The following PTPRG variants were observed in gnomAD, a reference collection of about 807,000 sequenced individuals.
PTPRG encodes the protein protein tyrosine phosphatase receptor type G.
PTPRG carries 102 observed loss-of-function variants against 165.3 expected under a neutral mutation model. The observed-to-expected ratio is 0.62, with a 90% CI of 0.53 to 0.73. PTPRG has a LOEUF of 0.73. Ranked by LOEUF, PTPRG falls within the 30% of genes least tolerant of loss-of-function variation. The pLI is 0.00. For synonymous variants in PTPRG, 675 were observed against 669.5 expected, an observed-to-expected ratio of 1.01 and a Z score of -0.13; for missense variants, 1,866 against 1,861.4, an observed-to-expected ratio of 1.00 and a Z score of -0.05.
intron 2 of PTPRG, among the ~76,000 whole-genome samples, chr3:61,944,804 C>G (rs1456050325): frequency 6.6e-6 from 1 of 152,162 alleles, no homozygotes. Context: ...TAGCATTTGT[C>G]TGTATAATTT....
chr3:62,017,272 G>A (rs530495845), intron 4 of PTPRG, among the ~76,000 whole-genome samples: 4 of 152,262 alleles, frequency 2.6e-5, no homozygotes, highest in African/African-American at 9.6e-5. Flanking sequence ...TAAAAAGAAC[G>A]TTTAAGAAAG....
chr3:62,274,631 A>G (rs1392498964), intron 23 of PTPRG, among the ~76,000 whole-genome samples: 1 of 152,196 alleles, frequency 6.6e-6, no homozygotes. Flanking sequence ...TTTTCATGGT[A>G]AAACTTTCCA....
At chr3:62,185,623 T>C (rs80278063) in intron 8 of PTPRG, among the ~76,000 whole-genome samples, 1,739 of 152,304 alleles carry the variant, frequency 0.011, 19 homozygotes, top group Middle Eastern at 0.027. Flanking sequence ...CACTCCCATC[T>C]AAAGGAAATG....
At chr3:61,667,431 G>T (rs1702840156) in intron 1 of PTPRG, among the ~76,000 whole-genome samples, 1 of 152,112 alleles carries the variant, frequency 6.6e-6, no homozygotes, top group African/African-American at 2.4e-5. Flanking sequence ...ACTGGTTCTA[G>T]ATAATGCCAT....
At chr3:61,674,300 T>C (rs987479642) in intron 1 of PTPRG, among the ~76,000 whole-genome samples, 7 of 151,932 alleles carry the variant, frequency 4.6e-5, no homozygotes, top group Non-Finnish European at 7.4e-5. Flanking sequence ...AGCTCCCCGC[T>C]CTTTCAGTTT....
rs924527371 is a variant in PTPRG at position 61,881,892 on chromosome 3, A to G, written c.191-107733A>G. ...AATAGTGTTTCCCAACCTCAACACTATTGACATTTTGGTTCCCCTGACAGT... is the reference window on the plus strand; with the variant it reads ...AATAGTGTTTCCCAACCTCAACACTGTTGACATTTTGGTTCCCCTGACAGT... On this transcript the variant is annotated intron_variant, in intron 2 of 29. Transcript: ENST00000474889. Among the ~76,000 whole-genome samples the G allele has an allele frequency of 2.0e-5, 3 of 152,166 alleles. No homozygotes were observed. In the East Asian group the frequency reaches 5.8e-4, roughly 29 times the overall value.
At chr3:62,185,298 G>A (rs1250790333) in intron 8 of PTPRG, among the ~76,000 whole-genome samples, 2 of 152,216 alleles carry the variant, frequency 1.3e-5, no homozygotes, top group East Asian at 1.9e-4. Context: ...CCTCACAGGG[G>A]ATATTTGTTT....
chr3:62,067,261 T>C (rs1055270724), intron 4 of PTPRG, among the ~76,000 whole-genome samples: 2 of 151,482 alleles, frequency 1.3e-5, no homozygotes, highest in African/African-American at 4.8e-5. Flanking sequence ...CTTTTCTTTT[T>C]TTTTTTTTTC....
intron 4 of PTPRG, among the ~76,000 whole-genome samples, chr3:62,072,956 T>C (rs990568011): frequency 6.6e-6 from 1 of 152,078 alleles, no homozygotes; most frequent in Non-Finnish European, 1.5e-5. Context: ...CATCTGTGCT[T>C]GATAGGAGTT....
At chr3:61,974,698 AT>A (rs2040463137) in intron 2 of PTPRG, among the ~76,000 whole-genome samples, 1 of 152,178 alleles carries the variant, frequency 6.6e-6, no homozygotes, top group Admixed American at 6.5e-5. Flanking sequence ...CTAAAAACAT[AT>A]GATTCTATTG....
chr3:61,942,156 TAA>T (rs72243584), intron 2 of PTPRG, among the ~76,000 whole-genome samples: 291 of 128,530 alleles, frequency 2.3e-3, no homozygotes, highest in African/African-American at 5.8e-3. Context: ...AGACTCTGTC[TAA>T]AAAAAAAAAA....
At chr3:61,823,385 T>G (rs932594293) in intron 2 of PTPRG, among the ~76,000 whole-genome samples, 1 of 152,266 alleles carries the variant, frequency 6.6e-6, no homozygotes, top group African/African-American at 2.4e-5. Flanking sequence ...GAGACGGGTT[T>G]CACCATGTTG....
intron 28 of PTPRG, among the ~76,000 whole-genome samples, chr3:62,290,397 G>T (rs1446362600): frequency 1.3e-5 from 2 of 152,102 alleles, no homozygotes; most frequent in African/African-American, 4.8e-5. Context: ...ATGGAGTCGG[G>T]TGGAAGGTCA....
At chr3:61,947,763 T>C (rs2039797775) in intron 2 of PTPRG, among the ~76,000 whole-genome samples, 2 of 152,104 alleles carry the variant, frequency 1.3e-5, no homozygotes, top group South Asian at 4.1e-4. Flanking sequence ...AGGAACAAAA[T>C]CTTCTCTCCC....
At chr3:61,746,115 C>T (rs1330536370) in intron 1 of PTPRG, among the ~76,000 whole-genome samples, 4 of 148,968 alleles carry the variant, frequency 2.7e-5, no homozygotes, top group African/African-American at 5.0e-5. Context: ...GTGGCACAAT[C>T]ACGGCTCACT....
At position 62,240,889 on chromosome 3, in the gene PTPRG, T is replaced by A. The variant is rs1448451121; in HGVS notation, c.2376-2918T>A. On this transcript the variant is annotated intron_variant, in intron 14 of 29. Coordinates refer to ENST00000474889, the MANE Select transcript of PTPRG (RefSeq NM_002841.4). The surrounding 1 kb of genome is among the most constrained non-coding windows in gnomAD (Gnocchi z 5.1). Reference sequence around the variant, plus strand: ...ATTTTCTTCATTGCTCTTGACTATTTGAAGCAATTTATTTGCTTGTTGTGG... The same window carrying A: ...ATTTTCTTCATTGCTCTTGACTATTAGAAGCAATTTATTTGCTTGTTGTGG... Among the ~76,000 whole-genome samples the A allele has an allele frequency of 6.6e-6, 1 of 152,230 alleles. No individual in the cohort carries two copies. The highest frequency in any genetic ancestry group is 1.9e-4 in the East Asian group (1 of 5,196).
intron 5 of PTPRG, among the ~76,000 whole-genome samples, chr3:62,081,255 T>TA (rs1701564022): frequency 1.1e-5 from 1 of 94,232 alleles, no homozygotes; most frequent in African/African-American, 6.0e-5. Flanking sequence ...AGACTCCGTC[T>TA]CAAAACAAAC....
intron 2 of PTPRG, among the ~76,000 whole-genome samples, chr3:61,961,413 CTTAA>C (rs1261962470): frequency 6.6e-6 from 1 of 152,088 alleles, no homozygotes. Flanking sequence ...AAAATTCGGA[CTTAA>C]TTAAATAAAT....
chr3:62,188,708 G>A (rs997025945), intron 8 of PTPRG, among the ~76,000 whole-genome samples: 1 of 152,208 alleles, frequency 6.6e-6, no homozygotes, highest in African/African-American at 2.4e-5. Context: ...GGGGTATGAT[G>A]TAACTGTCAG....
Sources: allele counts gnomAD v4.1 joint callset (sites outside exome capture counted in the v4.1 genomes callset), GRCh38; gene constraint gnomAD v4.1.1; non-coding constraint Gnocchi (gnomAD v3.1); transcripts MANE v1.5; gene names NCBI Gene and HGNC (gene_info 2026-07-23, HGNC 2026-07-21).